Variants in PHC1 observed in about 807,000 individuals in gnomAD.
The protein encoded by PHC1 is polyhomeotic-like protein 1.
PHC1 carries 12 observed loss-of-function variants against 104.3 expected under a neutral mutation model. The observed-to-expected ratio is 0.12, with a 90% CI of 0.07 to 0.19. The LOEUF (loss-of-function observed/expected upper bound fraction) is 0.19, where lower values mean the gene tolerates loss of function less well. Among genes scored for constraint, PHC1 ranks in the 10% least tolerant of loss-of-function variants. The pLI is 1.00. For missense variants in PHC1, 671 were observed against 1,200.0 expected, an observed-to-expected ratio of 0.56 and a Z score of 6.51; for synonymous variants, 302 against 455.8, an observed-to-expected ratio of 0.66 and a Z score of 4.30.
intron 1 of PHC1, chr12:8,915,105 T>G (rs1230765306): frequency 6.5e-6 from 1 of 152,844 alleles, no homozygotes; most frequent in Non-Finnish European, 1.5e-5. Flanking sequence ...ACTTTGGTCC[T>G]TCCAGCCGAG....
rs889043893 is a variant in PHC1, at chr12:8,919,150, C to T, written c.115-606C>T. Among the ~76,000 whole-genome samples, 3 of 152,208 alleles carry T rather than the reference C, an allele frequency of 2.0e-5. No individual in the cohort carries two copies. Among genetic ancestry groups the T allele is most frequent in the African/African-American group, 7.2e-5 (3 of 41,448 alleles). On this transcript the variant is annotated intron_variant, in intron 2 of 14. Transcript: ENST00000544916. The surrounding 1 kb of genome is among the most constrained non-coding windows in gnomAD (Gnocchi z 4.9). ...TCTCATCTCACTGCAACCTCTGCCT[C>T]CCAGGTTCAAGCAATTCTCCTACCT...
At position 8,921,015 on chromosome 12, in the gene PHC1, T is replaced by A; in HGVS notation, c.256T>A (p.Ser86Thr). ...AATTGCTGCCAGTCGGCAGGCCAGC[T>A]CCCCAAACACCAGCACTACACAGCA... ...ATIAASRQASSPNTSTTQQQT... is the reference protein window; with the variant it reads ...ATIAASRQASTPNTSTTQQQT... The change falls in exon 4 of 15, where the codon TCC becomes ACC. Residue 86 changes from serine to threonine, a missense_variant. By Grantham distance (58) the Ser-to-Thr change is moderately conservative. Around this residue, in one of 9 missense-constraint regions of PHC1, gnomAD observed 237 missense variants for 331.1 expected, o/e 0.72. Transcript: ENST00000544916. 6.2e-7 allele frequency: 1 copy of A among 1,613,394 alleles called. No homozygotes were observed. Among genetic ancestry groups the A allele is most frequent in the Non-Finnish European group, 8.5e-7 (1 of 1,179,784 alleles).
chr12:8,925,276 G>A (rs1181531225), intron 6 of PHC1, among the ~76,000 whole-genome samples: 1 of 152,196 alleles, frequency 6.6e-6, no homozygotes, highest in African/African-American at 2.4e-5. Context: ...CTTGAAGAAT[G>A]CCTGGACGTA....
In PHC1 at chr12:8,932,632, A is replaced by G; in HGVS notation, c.1175A>G (p.Gln392Arg). The G allele has an allele frequency of 1.2e-6, 2 of 1,614,058 alleles. No individual in the cohort carries two copies. Among genetic ancestry groups the G allele is most frequent in the Non-Finnish European group, 1.7e-6 (2 of 1,179,874 alleles). Residue 392 changes from glutamine (Q) to arginine (R), a missense_variant, in exon 8 of 15, where the codon CAG becomes CGG. Physicochemically the swap from Gln to Arg is conservative, Grantham distance 43 (BLOSUM62 1). This residue lies in a region of PHC1 where 3 missense variants were observed against 16.1 expected (regional missense o/e 0.19). Coordinates refer to ENST00000544916, the MANE Select transcript of PHC1 (RefSeq NM_004426.3). ...CAACAGATCCACCTCCAGCAGAAAC[A>G]GGTGGTGATCCAGCAGCAGATTGCC... ...QQQQIHLQQK[Q>R]VVIQQQIAIH...
At position 8,937,205 on chromosome 12, in the gene PHC1, G is replaced by A. The variant is rs769041052; in HGVS notation, c.2507G>A (p.Arg836Gln). ...AATGTGAGCTGTAGCCATCAGTTCC[G>A]GCTGAAGAGGAAAAAAATGAAAGAG... ...RYNVSCSHQF[R>Q]LKRKKMKEFQ... Residue 836 changes from arginine (R) to glutamine (Q), a missense_variant, in exon 13 of 15, where the codon CGG (arginine) becomes CAG (glutamine). Physicochemically the swap from Arg to Gln is conservative, Grantham distance 43. Coordinates refer to ENST00000544916, the MANE Select transcript of PHC1 (RefSeq NM_004426.3). 3.3e-5 allele frequency: 54 copies of A among 1,612,810 alleles called. No homozygotes were observed. The highest frequency in any genetic ancestry group is 9.4e-5 in the African/African-American group (7 of 74,862).
At chr12:8,915,546 C>A (rs1945177514) in intron 1 of PHC1, among the ~76,000 whole-genome samples, 1 of 152,120 alleles carries the variant, frequency 6.6e-6, no homozygotes, top group Non-Finnish European at 1.5e-5. Context: ...GTGCGCCTAC[C>A]CAACCCCATG....
Position 8,919,093 on chromosome 12 carries a change from C to T in PHC1, c.115-663C>T, listed in dbSNP as rs942188171. On this transcript the variant is annotated intron_variant, in intron 2 of 14. Coordinates refer to ENST00000544916, the MANE Select transcript of PHC1 (RefSeq NM_004426.3). This position sits in a 1 kb window ranked among gnomAD's most constrained non-coding sequence, Gnocchi z 4.9. ...TGTTTTTTTGAGATGGAGTTTCGCT[C>T]CTGTTGCCCAGGCTGCAGTGCAATG... is the stretch of plus-strand genomic sequence containing the variant. Among the ~76,000 whole-genome samples the T allele has an allele frequency of 6.6e-6, 1 of 152,054 alleles. No individual in the cohort carries two copies. Among genetic ancestry groups the T allele is most frequent in the Non-Finnish European group, 1.5e-5 (1 of 68,006 alleles).
chr12:8,937,975 A>C lies in PHC1; in HGVS notation c.2775A>C (p.Leu925Phe), dbSNP rs1389164852. Residue 925 changes from leucine to phenylalanine, a missense_variant, in exon 14 of 15, where the codon TTA becomes TTC. Coordinates refer to ENST00000544916, the MANE Select transcript of PHC1 (RefSeq NM_004426.3). ...NPNTAPPTPE[L>F]HGINPVFLSS... Reference sequence around the variant, plus strand: ...ATACAGCTCCACCTACACCGGAATTACATGGCATCAACCCTGTGTTCCTGT... The same window carrying C: ...ATACAGCTCCACCTACACCGGAATTCCATGGCATCAACCCTGTGTTCCTGT... 1 of 1,605,666 alleles carries C rather than the reference A, an allele frequency of 6.2e-7. No homozygotes were observed. Among genetic ancestry groups the C allele is most frequent in the African/African-American group, 1.3e-5 (1 of 74,810 alleles).
In PHC1 at chr12:8,922,572, T is replaced by C. The variant is rs1410447554; in HGVS notation, c.457-61T>C. 25 of 1,417,870 alleles carry C rather than the reference T, an allele frequency of 1.8e-5. No individual in the cohort carries two copies. In the East Asian group the frequency reaches 5.5e-4, roughly 31 times the overall value. The allele number at this position is 1,417,870 out of a possible 1,614,324, so 87.8% of individuals were successfully genotyped here. On this transcript the variant is annotated intron_variant, in intron 5 of 14. Transcript: ENST00000544916. ...TTTGTCTTGTGGTCCTTCCTTTCCA[T>C]CTCTTCTGTCTCTTCTTTCCCTCTT... is the stretch of plus-strand genomic sequence containing the variant.
intron 1 of PHC1, among the ~76,000 whole-genome samples, 198 bp from the exon 2 acceptor site, chr12:8,917,431 TC>T (rs2137052539): frequency 6.6e-6 from 1 of 152,340 alleles, no homozygotes; most frequent in African/African-American, 2.4e-5. Flanking sequence ...CTGCATAGCT[TC>T]AAAAGATGGT....
intron 6 of PHC1, among the ~76,000 whole-genome samples, chr12:8,923,846 A>AT (rs1945437691): frequency 6.6e-6 from 1 of 150,928 alleles, no homozygotes; most frequent in Admixed American, 6.6e-5. Context: ...AAAAAAAAAA[A>AT]GAAAATATTT....
intron 6 of PHC1, 42 bp downstream of exon 6, chr12:8,922,830 G>C (rs1945404912): frequency 6.3e-7 from 1 of 1,583,886 alleles, no homozygotes; most frequent in African/African-American, 1.3e-5. Context: ...CACTGGGCAG[G>C]ATGAAGGGAA....
At position 8,933,269 on chromosome 12, in the gene PHC1, G is replaced by A; in HGVS notation, c.1812G>A (p.Val604=). The A allele has an allele frequency of 1.4e-6, 2 of 1,462,312 alleles. No homozygotes were observed. Among genetic ancestry groups the A allele is most frequent in the African/African-American group, 2.9e-5 (2 of 69,912 alleles). The allele number at this position is 1,462,312 out of a possible 1,614,324, so 90.6% of individuals were successfully genotyped here. ...TLAPVQGTAH[V]VKGGATTSSP... ...CTCCTGTGCAGGGGACAGCACATGT[G>A]GTAAAGGGTGGGGCTACCACCTCCT... Residue 604 remains valine (V), a synonymous_variant, in exon 8 of 15, where the codon GTG becomes GTA. Transcript: ENST00000544916.
intron 1 of PHC1, among the ~76,000 whole-genome samples, chr12:8,916,740 T>C (rs4882968): frequency 0.86 from 130,264 of 151,970 alleles, 57,186 homozygotes; most frequent in South Asian, 0.97. Flanking sequence ...TGTTTCATAC[T>C]CCGGAGTCAT....
At chr12:8,929,489 T>C (rs1402770421) in intron 6 of PHC1, among the ~76,000 whole-genome samples, 1 of 151,910 alleles carries the variant, frequency 6.6e-6, no homozygotes, top group African/African-American at 2.4e-5. Context: ...ACAGTCTTTT[T>C]AGAAATTATA....
chr12:8,926,875 G>A (rs749943981), intron 6 of PHC1, among the ~76,000 whole-genome samples: 10 of 152,146 alleles, frequency 6.6e-5, no homozygotes, highest in South Asian at 4.2e-4. Context: ...AGATCGCGCC[G>A]TTGTACTCCA....
chr12:8,916,968 A>G (rs1255475704), intron 1 of PHC1, among the ~76,000 whole-genome samples: 6 of 152,210 alleles, frequency 3.9e-5, no homozygotes, highest in Non-Finnish European at 8.8e-5. Context: ...GTCCTCCTCC[A>G]TAAAATGAGG....
intron 13 of PHC1, 104 bp from the exon 14 acceptor site, chr12:8,937,725 A>G (rs1207295610): frequency 2.5e-5 from 19 of 774,266 alleles, no homozygotes; most frequent in Non-Finnish European, 3.9e-5. Flanking sequence ...CACATATGAT[A>G]AGATGAGTTT....
Position 8,930,724 on chromosome 12 carries a change from G to T in PHC1, c.902G>T (p.Gly301Val). The T allele has an allele frequency of 7.9e-7, 1 of 1,264,478 alleles. No homozygotes were observed. The highest frequency in any genetic ancestry group is 1.1e-6 in the Non-Finnish European group (1 of 903,708). 78.3% of individuals were successfully genotyped at this position (1,264,478 alleles called of 1,614,324 possible). ...CAGTTGCCTTCCTCAGGAATGGGTG[G>T]TGGGAGCTGTCCCAGAAAGGGTACA... ...LGQLPSSGMG[G>V]GSCPRKGTGV... Residue 301 changes from glycine to valine, a missense_variant, in exon 7 of 15, where the codon GGT becomes GTT. Physicochemically the swap from Gly to Val is moderately radical, Grantham distance 109. Coordinates refer to ENST00000544916, the MANE Select transcript of PHC1 (RefSeq NM_004426.3).
Sources: gnomAD v4.1 joint callset for allele counts (sites outside exome capture counted in the v4.1 genomes callset) on GRCh38, gnomAD v4.1.1 for gene constraint, gnomAD v4.1.1 regional missense constraint, Gnocchi (gnomAD v3.1) non-coding constraint, MANE v1.5 for transcripts, NCBI Gene and HGNC (gene_info 2026-07-23, HGNC 2026-07-21) for gene names.